The following NUCB2 variants were observed in gnomAD, a reference collection of about 807,000 sequenced individuals.
NUCB2 encodes nucleobindin-2.
NUCB2 carries 48 observed loss-of-function variants against 57.9 expected under a neutral mutation model. The ratio of observed to expected loss-of-function variants is 0.83; its 90% CI spans 0.66 to 1.05. The LOEUF is 1.05. Ranked by LOEUF, NUCB2 falls within the 50% of genes least tolerant of loss-of-function variation. NUCB2 has a pLI of 0.00. For missense variants in NUCB2, 442 were observed against 476.2 expected (o/e 0.93, Z 0.67); for synonymous variants, 139 against 152.1 (o/e 0.91, Z 0.64).
intron 2 of NUCB2, among the ~76,000 whole-genome samples, chr11:17,344,909 G>A (rs925927817): frequency 6.6e-6 from 1 of 152,196 alleles, no homozygotes; most frequent in African/African-American, 2.4e-5. Context: ...GAGCTCTGGA[G>A]GCTGAAGGTG....
chr11:17,322,910 A>G (rs190158626), intron 11 of NUCB2, among the ~76,000 whole-genome samples: 206 of 151,168 alleles, frequency 1.4e-3, no homozygotes, highest in Middle Eastern at 0.01. Flanking sequence ...AATGCTGCTG[A>G]TTTTTGTATG....
intron 2 of NUCB2, among the ~76,000 whole-genome samples, chr11:17,344,572 A>C (rs891834023): frequency 4.6e-5 from 7 of 152,164 alleles, no homozygotes; most frequent in African/African-American, 1.2e-4. Context: ...TCAGTCTTAA[A>C]GTTTCATAGC....
In NUCB2 at chr11:17,311,294, G is replaced by A; in HGVS notation, c.760+11G>A. ...TTTTCAAATTACATGGTAACGATTT[G>A]ATACAAATATTAATATTTATATCTG... is the stretch of plus-strand genomic sequence containing the variant. On this transcript the variant is annotated intron_variant, in intron 8 of 13. Transcript: ENST00000529010. The A allele has an allele frequency of 6.5e-7, 1 of 1,532,310 alleles. No individual in the cohort carries two copies. Among genetic ancestry groups the A allele is most frequent in the Non-Finnish European group, 8.9e-7 (1 of 1,119,208 alleles). 94.9% of individuals were successfully genotyped at this position (1,532,310 alleles called of 1,614,324 possible).
intron 2 of NUCB2, among the ~76,000 whole-genome samples, chr11:17,288,937 A>G (rs1418130698): frequency 1.1e-5 from 1 of 93,550 alleles, no homozygotes; most frequent in Non-Finnish European, 1.9e-5. Context: ...ACACACACAC[A>G]CACACACACA....
intron 6 of NUCB2, among the ~76,000 whole-genome samples, chr11:17,310,603 G>A (rs929181535): frequency 1.3e-5 from 2 of 151,924 alleles, no homozygotes; most frequent in Non-Finnish European, 2.9e-5. Flanking sequence ...CCGAAATCGT[G>A]CCACTGCACT....
rs1485582193 is a variant in NUCB2, at chr11:17,288,948, CACAT to C, written c.-1+6007_-1+6010del. On this transcript the variant is annotated intron_variant, in intron 2 of 13. Transcript: ENST00000529010. ...ACACACACACACACACACACACACA[CACAT>C]ATATATATATATTTTTTTTTTTTGA... Among the ~76,000 whole-genome samples, 490 of 57,138 alleles carry C rather than the reference CACAT, an allele frequency of 8.6e-3. 6 individuals carry two copies. Among genetic ancestry groups the C allele is most frequent in the Middle Eastern group, 0.018 (2 of 112 alleles). The allele number at this position is 57,138 out of a possible 152,430, so 37.5% of individuals were successfully genotyped here.
chr11:17,296,396 A>C lies in NUCB2; in HGVS notation c.252+185A>C, dbSNP rs1434808408. Among the ~76,000 whole-genome samples the C allele has an allele frequency of 2.6e-5, 4 of 152,152 alleles. No individual in the cohort carries two copies. The South Asian group carries it at 8.3e-4, about 31-fold the overall frequency. On this transcript the variant is annotated intron_variant, in intron 4 of 13. Transcript: ENST00000529010. ...CCATGCTTGGCTTAAATATTTAACA[A>C]ACATTTGCACGTGCCAGGCACTGAG...
chr11:17,307,237 C>T (rs574670857), intron 5 of NUCB2, among the ~76,000 whole-genome samples: 58 of 150,164 alleles, frequency 3.9e-4, no homozygotes, highest in African/African-American at 1.3e-3. Context: ...AAATGTAGAG[C>T]AAAAATCTAC....
In NUCB2 at chr11:17,282,253, TATATA is replaced by T. The variant is rs1339621441; in HGVS notation, c.-155-535_-155-531del. Reference sequence around the variant, plus strand: ...CTATCTATCTATATATATATATATATATATATTTTTTTTTTTTTTTCCCAAGACAG... The same window carrying T: ...CTATCTATCTATATATATATATATATTTTTTTTTTTTTTTTCCCAAGACAG... On this transcript the variant is annotated intron_variant, in intron 1 of 13. Coordinates refer to ENST00000529010, the MANE Select transcript of NUCB2 (RefSeq NM_005013.4). 9.2e-3 allele frequency among the ~76,000 whole-genome samples: 956 copies of T among 104,168 alleles called. 5 individuals carry two copies. The highest frequency in any genetic ancestry group is 0.022 in the African/African-American group (457 of 20,450). The allele number at this position is 104,168 out of a possible 152,430, so 68.3% of individuals were successfully genotyped here. A position where few individuals can be genotyped will look rare whatever the true frequency, so the allele number is the denominator to read the frequency against.
In NUCB2 at chr11:17,315,479, A is replaced by G; in HGVS notation, c.1002+4A>G. ...CTTGGAGCCAGATAGCTGGGAGGTA[A>G]TAGAACCTACTCTAAATGAGATGTA... On this transcript the variant is annotated splice_donor_region_variant and intron_variant, in intron 11 of 13. Transcript: ENST00000529010. 1 of 1,578,038 alleles carries G rather than the reference A, an allele frequency of 6.3e-7. No individual in the cohort carries two copies. The highest frequency in any genetic ancestry group is 8.7e-7 in the Non-Finnish European group (1 of 1,148,218).
intron 2 of NUCB2, among the ~76,000 whole-genome samples, chr11:17,295,086 T>C (rs750319136): frequency 9.9e-5 from 15 of 152,078 alleles, no homozygotes; most frequent in Non-Finnish European, 1.6e-4. Flanking sequence ...GTTTAAAATA[T>C]TGTATTCTGT....
chr11:17,345,697 A>C (rs1952677299), intron 2 of NUCB2, among the ~76,000 whole-genome samples: 1 of 152,118 alleles, frequency 6.6e-6, no homozygotes, highest in Non-Finnish European at 1.5e-5. Flanking sequence ...GCAGAGCGAC[A>C]CTCCGTCTCA....
chr11:17,285,350 G>A (rs986824402), intron 2 of NUCB2, among the ~76,000 whole-genome samples: 4 of 151,590 alleles, frequency 2.6e-5, no homozygotes, highest in African/African-American at 7.3e-5. Flanking sequence ...CGAGGCGGGC[G>A]GATCACGAGG....
intron 5 of NUCB2, among the ~76,000 whole-genome samples, chr11:17,302,152 C>G (rs956338672): frequency 6.6e-6 from 1 of 152,014 alleles, no homozygotes; most frequent in Non-Finnish European, 1.5e-5. Flanking sequence ...CTATCTTGAC[C>G]AAAGAGCTGG....
chr11:17,340,955 C>T (rs1952213578), intron 2 of NUCB2, among the ~76,000 whole-genome samples: 1 of 152,202 alleles, frequency 6.6e-6, no homozygotes, highest in Non-Finnish European at 1.5e-5. Flanking sequence ...TACCCAGGAG[C>T]ATGGAATGTT....
In NUCB2 at chr11:17,327,262, C is replaced by T. The variant is rs193263408; in HGVS notation, c.1003-2865C>T. On this transcript the variant is annotated intron_variant, in intron 11 of 13. Transcript: ENST00000529010. The stretch of plus-strand genomic sequence containing the variant: ...TTTTAGGTGAGATGAGGTTTTTCCA[C>T]GTTGGCCAGGCTGGTCTTGAAATCC... 2.0e-3 allele frequency among the ~76,000 whole-genome samples: 298 copies of T among 152,100 alleles called. 1 individual carries two copies. The highest frequency in any genetic ancestry group is 3.2e-3 in the Admixed American group (49 of 15,276).
rs543915133 is a variant in NUCB2, at chr11:17,282,038, A to T, written c.-155-751A>T. On this transcript the variant is annotated intron_variant, in intron 1 of 13. Coordinates refer to ENST00000529010, the MANE Select transcript of NUCB2 (RefSeq NM_005013.4). Reference sequence around the variant, plus strand: ...AAGTTAATTTTTTTAAATTGGTGGTAAGAGTAAAGAAAAATTCCAGTTAAG... The same window carrying T: ...AAGTTAATTTTTTTAAATTGGTGGTTAGAGTAAAGAAAAATTCCAGTTAAG... Among the ~76,000 whole-genome samples the T allele has an allele frequency of 2.0e-5, 3 of 151,820 alleles. No individual in the cohort carries two copies. The South Asian group carries it at 6.2e-4, about 32-fold the overall frequency.
At chr11:17,304,840 C>T (rs1947354151) in intron 5 of NUCB2, among the ~76,000 whole-genome samples, 1 of 152,166 alleles carries the variant, frequency 6.6e-6, no homozygotes, top group Admixed American at 6.5e-5. Flanking sequence ...CTTTAAAATA[C>T]TCATGAAGGA....
At chr11:17,285,125 T>G (rs928191834) in intron 2 of NUCB2, among the ~76,000 whole-genome samples, 1 of 152,044 alleles carries the variant, frequency 6.6e-6, no homozygotes, top group South Asian at 2.1e-4. Flanking sequence ...TTGAGGAAGA[T>G]GGAAAAAGAT....
Sources: allele counts gnomAD v4.1 joint callset (sites outside exome capture counted in the v4.1 genomes callset), GRCh38; gene constraint gnomAD v4.1.1; transcripts MANE v1.5; gene names NCBI Gene and HGNC (gene_info 2026-07-23, HGNC 2026-07-21).